ASB3: variants seen among roughly 807,000 people sequenced by gnomAD.
The protein encoded by ASB3 is ankyrin repeat and SOCS box containing 3.
Under a neutral mutation model 54.5 loss-of-function variants are expected in ASB3, and 41 were observed. That is an observed-to-expected ratio of 0.75 (90% CI 0.59 to 0.98). The LOEUF (loss-of-function observed/expected upper bound fraction) is 0.98, where lower values mean the gene tolerates loss of function less well. Among genes scored for constraint, ASB3 ranks in the 50% least tolerant of loss-of-function variants. ASB3 has a pLI of 0.00. For synonymous variants in ASB3, 266 were observed against 221.2 expected (o/e 1.20, Z -1.80); for missense variants, 733 against 620.0 (o/e 1.18, Z -1.94).
chr2:53,716,806 T>C, intron 5 of ASB3, 63 bp from the exon 6 acceptor site: 1 of 1,506,398 alleles, frequency 6.6e-7, no homozygotes, highest in Admixed American at 2.0e-5. Context: ...CAACACAAAT[T>C]TCAAAGGAAC....
chr2:53,670,627 C>CAGA lies in ASB3; in HGVS notation c.1432_1433insTCT (p.Arg478delinsLeuCys), dbSNP rs1282274835. 8.7e-6 allele frequency: 14 copies of CAGA among 1,613,962 alleles called. No individual in the cohort carries two copies. Among genetic ancestry groups the CAGA allele is most frequent in the Non-Finnish European group, 1.2e-5 (14 of 1,179,968 alleles). On this transcript the variant is annotated protein_altering_variant, in exon 10 of 10. Transcript: ENST00000263634. Reference sequence around the variant, plus strand: ...ACTAATATAACTGTCAGACCGTAGACGTTCTGATTTTAGACTGGACCGAAT... The same window carrying CAGA: ...ACTAATATAACTGTCAGACCGTAGACAGAGTTCTGATTTTAGACTGGACCGAAT...
intron 5 of ASB3, among the ~76,000 whole-genome samples, chr2:53,718,552 C>T (rs181638977): frequency 7.2e-5 from 11 of 152,210 alleles, no homozygotes; most frequent in African/African-American, 2.6e-4. Flanking sequence ...AACACTGATA[C>T]CACAAAAACA....
chr2:53,742,478 CA>C (rs1206148549), intron 3 of ASB3, among the ~76,000 whole-genome samples: 5 of 152,038 alleles, frequency 3.3e-5, no homozygotes, highest in Admixed American at 1.3e-4. Context: ...AATATTACCA[CA>C]AACCAAAGGA....
rs1669413870 is a variant in ASB3, at chr2:53,700,257, G to A, written c.1238+14C>T. Reference sequence around the variant, plus strand: ...CTCAAAAAGGGTAAGCCCGACTATGGTAGAATTTCTTACCAAGAATTGCAC... The same window carrying A: ...CTCAAAAAGGGTAAGCCCGACTATGATAGAATTTCTTACCAAGAATTGCAC... On this transcript the variant is annotated intron_variant, in intron 8 of 9. Coordinates refer to ENST00000263634, the MANE Select transcript of ASB3 (RefSeq NM_016115.5). 6.2e-7 allele frequency: 1 copy of A among 1,608,428 alleles called. No individual in the cohort carries two copies. The highest frequency in any genetic ancestry group is 8.5e-7 in the Non-Finnish European group (1 of 1,177,250).
chr2:53,725,546 T>C (rs1670948277), intron 5 of ASB3, among the ~76,000 whole-genome samples: 1 of 152,238 alleles, frequency 6.6e-6, no homozygotes, highest in Non-Finnish European at 1.5e-5. Flanking sequence ...TGTGAAGATT[T>C]TGAAAATAGC....
chr2:53,682,514 T>C (rs561746350), intron 9 of ASB3, among the ~76,000 whole-genome samples: 44 of 152,316 alleles, frequency 2.9e-4, no homozygotes, highest in Non-Finnish European at 5.1e-4. Flanking sequence ...TCTTGCTCTG[T>C]CACCCAGGCT....
At chr2:53,730,262 A>G (rs924431182) in intron 3 of ASB3, among the ~76,000 whole-genome samples, 2 of 152,238 alleles carry the variant, frequency 1.3e-5, no homozygotes, top group Non-Finnish European at 2.9e-5. Flanking sequence ...GCTTTATAAA[A>G]TAAGTACAAA....
At chr2:53,773,306 A>C (rs1674075661) in intron 1 of ASB3, among the ~76,000 whole-genome samples, 1 of 152,204 alleles carries the variant, frequency 6.6e-6, no homozygotes, top group African/African-American at 2.4e-5. Context: ...TTTTAAGATA[A>C]AATATCTTGC....
At chr2:53,692,038 T>C (rs528563808) in intron 9 of ASB3, among the ~76,000 whole-genome samples, 2 of 152,298 alleles carry the variant, frequency 1.3e-5, no homozygotes, top group South Asian at 4.1e-4. Context: ...TAGGAGGCTG[T>C]CTTGTGCATT....
chr2:53,771,317 C>A (rs113392127), intron 1 of ASB3, among the ~76,000 whole-genome samples: 8,609 of 152,144 alleles, frequency 0.057, 449 homozygotes, highest in East Asian at 0.28. Flanking sequence ...GAGTTCCATA[C>A]CAGCCTGGCC....
intron 9 of ASB3, among the ~76,000 whole-genome samples, chr2:53,689,544 C>T (rs1196944840): frequency 6.6e-6 from 1 of 152,182 alleles, no homozygotes; most frequent in African/African-American, 2.4e-5. Context: ...TGATTCCTAA[C>T]CCTAAGCTTT....
chr2:53,674,545 T>C (rs1478819551), intron 9 of ASB3, among the ~76,000 whole-genome samples: 4 of 152,302 alleles, frequency 2.6e-5, no homozygotes, highest in Admixed American at 2.0e-4. Context: ...AACTTTACTA[T>C]AGCACAAAAC....
intron 9 of ASB3, among the ~76,000 whole-genome samples, chr2:53,686,376 C>T (rs1376012137): frequency 6.6e-6 from 1 of 152,134 alleles, no homozygotes; most frequent in Non-Finnish European, 1.5e-5. Context: ...CACCCACTGC[C>T]CCCAACACCC....
chr2:53,731,285 CTA>C (rs1430495847), intron 3 of ASB3, among the ~76,000 whole-genome samples: 1 of 152,138 alleles, frequency 6.6e-6, no homozygotes, highest in East Asian at 1.9e-4. Flanking sequence ...ACCTGTAATC[CTA>C]GCTACTTGAG....
chr2:53,692,218 G>T (rs981655017), intron 9 of ASB3, among the ~76,000 whole-genome samples: 1 of 152,088 alleles, frequency 6.6e-6, no homozygotes, highest in South Asian at 2.1e-4. Context: ...GTGTTAACTC[G>T]CTCTCTTGGT....
At chr2:53,713,663 A>C (rs1016034479) in intron 7 of ASB3, among the ~76,000 whole-genome samples, 2 of 152,208 alleles carry the variant, frequency 1.3e-5, no homozygotes, top group Non-Finnish European at 1.5e-5. Context: ...CTGACATCCC[A>C]GCATTTTGGG....
At chr2:53,675,431 CAAG>C (rs1453314261) in intron 9 of ASB3, among the ~76,000 whole-genome samples, 1 of 151,982 alleles carries the variant, frequency 6.6e-6, no homozygotes, top group African/African-American at 2.4e-5. Flanking sequence ...AATATTTTAA[CAAG>C]AACAAGGTGA....
chr2:53,767,855 C>G (rs2104113360), intron 1 of ASB3: 1 of 1,584,874 alleles, frequency 6.3e-7, no homozygotes, highest in East Asian at 2.3e-5. Context: ...AGCTAGGGTT[C>G]ACGGCCACTG....
At chr2:53,756,863 T>C (rs1292422252) in intron 2 of ASB3, 2 of 152,842 alleles carry the variant, frequency 1.3e-5, no homozygotes, top group Non-Finnish European at 2.9e-5. Flanking sequence ...GCGGCGCCCA[T>C]TGCCACTCCC....
Sources: allele counts gnomAD v4.1 joint callset (sites outside exome capture counted in the v4.1 genomes callset), GRCh38; gene constraint gnomAD v4.1.1; transcripts MANE v1.5; gene names NCBI Gene and HGNC (gene_info 2026-07-23, HGNC 2026-07-21).